Variants in NCOR2 observed in about 807,000 individuals in gnomAD.
NCOR2 encodes nuclear receptor corepressor 2.
A neutral mutation model predicts 262.9 loss-of-function variants in NCOR2; 81 were observed. The observed-to-expected ratio is 0.31, with a 90% CI of 0.26 to 0.37. NCOR2 has a LOEUF of 0.37. Among genes scored for constraint, NCOR2 ranks in the 10% least tolerant of loss-of-function variants. The probability of loss-of-function intolerance (pLI) is 1.00; values close to 1 mark genes in which losing one functional copy is unlikely to be tolerated. For synonymous variants in NCOR2, 1,659 were observed against 1,559.3 expected (o/e 1.06, Z -1.51); for missense variants, 3,385 against 3,621.4 (o/e 0.93, Z 1.68).
chr12:124,527,598 A>G (rs2050546352), intron 1 of NCOR2, among the ~76,000 whole-genome samples: 1 of 152,004 alleles, frequency 6.6e-6, no homozygotes, highest in African/African-American at 2.4e-5. Flanking sequence ...TTCTGTTTTT[A>G]TTAGAGACGG....
At chr12:124,342,273 G>A (rs1041514342) in intron 33 of NCOR2, among the ~76,000 whole-genome samples, 199 bp from the exon 36 acceptor site, 1 of 152,192 alleles carries the variant, frequency 6.6e-6, no homozygotes, top group Admixed American at 6.5e-5. Flanking sequence ...TGACTTCTAC[G>A]AAGGATGCTT....
chr12:124,330,791 G>T, intron 44 of NCOR2, 54 bp downstream of exon 46: 2 of 1,533,026 alleles, frequency 1.3e-6, no homozygotes, highest in Admixed American at 2.0e-5. Context: ...AGCAGGGGTG[G>T]GGAGGGAGCG....
intron 6 of NCOR2, among the ~76,000 whole-genome samples, chr12:124,455,280 A>T (rs1167858699): frequency 2.0e-5 from 3 of 152,244 alleles, no homozygotes; most frequent in African/African-American, 7.2e-5. Context: ...AAAACAAGCA[A>T]GCAGCAGCTG....
At position 124,406,143 on chromosome 12, in the gene NCOR2, C is replaced by G. The variant is rs1565914530; in HGVS notation, c.1483-3582G>C. ...CTGTAAGGGCCAGAGGATAAGTATGCCGTCTCTGTCAACCCCCTTCTCAAT... is the reference window on the plus strand; with the variant it reads ...CTGTAAGGGCCAGAGGATAAGTATGGCGTCTCTGTCAACCCCCTTCTCAAT... On this transcript the variant is annotated intron_variant, in intron 13 of 46. Coordinates refer to ENST00000405201, the Ensembl canonical transcript of NCOR2. Among the ~76,000 whole-genome samples, 3 of 152,344 alleles carry G rather than the reference C, an allele frequency of 2.0e-5. No homozygotes were observed. The East Asian group carries it at 5.8e-4, about 29-fold the overall frequency.
chr12:124,487,873 T>TAA (rs3040836), intron 1 of NCOR2, among the ~76,000 whole-genome samples: 7 of 137,664 alleles, frequency 5.1e-5, no homozygotes, highest in Non-Finnish European at 9.3e-5. Flanking sequence ...AAACTGTGTT[T>TAA]AAAAAAAAAA....
At chr12:124,557,466 G>A (rs1023545697) in intron 1 of NCOR2, among the ~76,000 whole-genome samples, 4 of 152,106 alleles carry the variant, frequency 2.6e-5, no homozygotes, top group African/African-American at 9.7e-5. Flanking sequence ...CTTCTCCTCT[G>A]TGTCTTTTTG....
At position 124,392,149 on chromosome 12, in the gene NCOR2, C is replaced by T. The variant is rs536713864; in HGVS notation, c.1876+5970G>A. Among the ~76,000 whole-genome samples, 70 of 152,344 alleles carry T rather than the reference C, an allele frequency of 4.6e-4. 1 individual carries two copies. The highest frequency in any genetic ancestry group is 1.7e-3 in the African/African-American group (70 of 41,584). Reference sequence around the variant, plus strand: ...GCATCGACCGCCAGGTGCTCCTTCCCTGAGTCAGGAGCCATGTGGATGCGG... The same window carrying T: ...GCATCGACCGCCAGGTGCTCCTTCCTTGAGTCAGGAGCCATGTGGATGCGG... On this transcript the variant is annotated intron_variant, in intron 16 of 46. Coordinates refer to ENST00000405201, the Ensembl canonical transcript of NCOR2.
exon 17 of NCOR2, chr12:124,385,790 C>T (rs772348996): frequency 6.2e-7 from 1 of 1,614,088 alleles, no homozygotes; most frequent in South Asian, 1.1e-5. Context: ...GGTTCTGCCT[C>T]TTCTTGTAGT....
intron 1 of NCOR2, chr12:124,562,026 T>G (rs570853513): frequency 6.6e-6 from 1 of 151,948 alleles, no homozygotes; most frequent in Non-Finnish European, 1.5e-5. Context: ...AGAAAAAAAG[T>G]TGGGGTGCAG....
At chr12:124,361,554 C>T (rs988192081) in intron 22 of NCOR2, among the ~76,000 whole-genome samples, 2 of 152,202 alleles carry the variant, frequency 1.3e-5, no homozygotes, top group Non-Finnish European at 2.9e-5. Context: ...CACAGCGGCT[C>T]GGGAGTCACC....
upstream of NCOR2, chr12:124,539,139 C>T (rs1182044361): frequency 2.0e-5 from 3 of 152,344 alleles, no homozygotes; most frequent in South Asian, 2.1e-4. This position sits in a 1 kb window ranked among gnomAD's most constrained non-coding sequence, Gnocchi z 5.1. Flanking sequence ...CCGGCAGAGC[C>T]GCCCCCGTCA....
chr12:124,528,993 AAC>A (rs1042605632), intron 1 of NCOR2, among the ~76,000 whole-genome samples: 2 of 152,178 alleles, frequency 1.3e-5, no homozygotes, highest in Non-Finnish European at 2.9e-5. Flanking sequence ...CAGCCTGGCC[AAC>A]ACAGAGAAAC....
chr12:124,342,105 C>A, intron 33 of NCOR2, 31 bp from the exon 36 acceptor site: 1 of 1,587,472 alleles, frequency 6.3e-7, no homozygotes, highest in Non-Finnish European at 8.6e-7. Flanking sequence ...CATGTGAGGC[C>A]AGCCATACCT....
chr12:124,385,745 C>T, exon 17 of NCOR2: 1 of 1,613,468 alleles, frequency 6.2e-7, no homozygotes, highest in Non-Finnish European at 8.5e-7. Flanking sequence ...GGGGGCTCAC[C>T]ATCTTCAGCT....
At chr12:124,529,459 G>A (rs2050671641) in intron 1 of NCOR2, among the ~76,000 whole-genome samples, 1 of 152,256 alleles carries the variant, frequency 6.6e-6, no homozygotes, top group African/African-American at 2.4e-5. Context: ...GGGCGACAGA[G>A]CAAGACTCTG....
chr12:124,358,017 C>T (rs567812570), intron 22 of NCOR2, among the ~76,000 whole-genome samples: 9 of 134,978 alleles, frequency 6.7e-5, no homozygotes, highest in African/African-American at 2.6e-4. Context: ...TGCACACGTG[C>T]GTGCATGTGT....
chr12:124,565,766 G>A (rs1464161134), intron 1 of NCOR2, among the ~76,000 whole-genome samples: 1 of 152,126 alleles, frequency 6.6e-6, no homozygotes, highest in Non-Finnish European at 1.5e-5. Context: ...TTTGCAGATG[G>A]GAAACCTGAC....
In NCOR2 at chr12:124,374,389, C is replaced by A. The variant is rs201324478; in HGVS notation, c.2218+24G>T. ...CCCGCCCCGGCCCGGCCCTACCCCC[C>A]AGGCCAGCCGGCCACATTCGTACCT... On this transcript the variant is annotated intron_variant, in intron 19 of 46. Coordinates refer to ENST00000405201, the Ensembl canonical transcript of NCOR2. The A allele has an allele frequency of 3.1e-4, 495 of 1,611,396 alleles. No homozygotes were observed. The African/African-American group carries it at 5.1e-3, about 17-fold the overall frequency.
At chr12:124,358,377 TGTGCAC>T (rs1406803115) in intron 22 of NCOR2, among the ~76,000 whole-genome samples, 6 of 149,332 alleles carry the variant, frequency 4.0e-5, no homozygotes, top group African/African-American at 4.9e-5. Context: ...CTGTGATGTG[TGTGCAC>T]GTGCACGTGC....
Sources: gnomAD v4.1 joint callset for allele counts (sites outside exome capture counted in the v4.1 genomes callset) on GRCh38, gnomAD v4.1.1 for gene constraint, Gnocchi (gnomAD v3.1) non-coding constraint, MANE v1.5 for transcripts, NCBI Gene and HGNC (gene_info 2026-07-23, HGNC 2026-07-21) for gene names.